Variants in NAP1L1 observed in about 807,000 individuals in gnomAD.
NAP1L1 encodes nucleosome assembly protein 1 like 1, also known as nucleosome assembly protein 1-like 1.
A neutral mutation model predicts 58.9 loss-of-function variants in NAP1L1; 9 were observed. The ratio of observed to expected loss-of-function variants is 0.15; its 90% CI spans 0.09 to 0.27. The LOEUF is 0.27. Among genes scored for constraint, NAP1L1 ranks in the 10% least tolerant of loss-of-function variants. The pLI is 1.00. For synonymous variants in NAP1L1, 130 were observed against 138.3 expected, an observed-to-expected ratio of 0.94 and a Z score of 0.42; for missense variants, 302 against 458.8, an observed-to-expected ratio of 0.66 and a Z score of 3.12.
Position 76,042,785 on chromosome 12 carries a change from A to G in NAP1L1, c.*5644T>C, listed in dbSNP as rs1294684776. 1 of 152,192 alleles carries G rather than the reference A, an allele frequency of 6.6e-6. No individual in the cohort carries two copies. Among genetic ancestry groups the G allele is most frequent in the Non-Finnish European group, 1.5e-5 (1 of 68,032 alleles). The allele number at this position is 152,192 out of a possible 1,614,324, so 9.4% of individuals were successfully genotyped here. ...CTTAAGTTTCTAAGTAATACTCCCT[A>G]TTCTAAGAAGCCAGCAATCCTTGGA... is the stretch of plus-strand genomic sequence containing the variant. On this transcript the variant is annotated 3_prime_UTR_variant, in exon 15 of 15. Transcript: ENST00000618691.
Position 76,037,931 on chromosome 12 carries a change from T to C in NAP1L1, c.*10498A>G, listed in dbSNP as rs951546498. 2.0e-5 allele frequency: 3 copies of C among 152,344 alleles called. No homozygotes were observed. The highest frequency in any genetic ancestry group is 4.1e-4 in the South Asian group (2 of 4,828). 9.4% of individuals were successfully genotyped at this position (152,344 alleles called of 1,614,324 possible). On this transcript the variant is annotated 3_prime_UTR_variant, in exon 15 of 15. Coordinates refer to ENST00000618691, the MANE Select transcript of NAP1L1 (RefSeq NM_004537.7). The stretch of plus-strand genomic sequence containing the variant: ...GACTAATGTTTTGTCTGGAAATGTA[T>C]TGATATTATTCAAAATGGGCAAGCA...
chr12:76,057,700 C>A, intron 6 of NAP1L1: 1 of 1,521,462 alleles, frequency 6.6e-7, no homozygotes, highest in Non-Finnish European at 8.9e-7. Flanking sequence ...TAAATGTAGA[C>A]AATGATTAGA....
rs3082540 is a variant in NAP1L1, at chr12:76,058,194, C to CATATATAT, written c.429+1596_429+1603dup. ...ATATGGCCAAAGGGAGAGAGGCCTA[C>CATATATAT]ATATATATATATATATATATATATA... On this transcript the variant is annotated intron_variant, in intron 6 of 14. Coordinates refer to ENST00000618691, the MANE Select transcript of NAP1L1 (RefSeq NM_004537.7). The CATATATAT allele has an allele frequency of 5.5e-4, 203 of 371,032 alleles. 2 individuals carry two copies. The highest frequency in any genetic ancestry group is 2.2e-3 in the African/African-American group (83 of 37,472). The allele number at this position is 371,032 out of a possible 1,614,324, so 23.0% of individuals were successfully genotyped here.
At position 76,042,167 on chromosome 12, in the gene NAP1L1, C is replaced by T. The variant is rs1409153308; in HGVS notation, c.*6262G>A. 6.6e-6 allele frequency: 1 copy of T among 152,054 alleles called. No individual in the cohort carries two copies. The highest frequency in any genetic ancestry group is 1.9e-4 in the East Asian group (1 of 5,190). 9.4% of individuals were successfully genotyped at this position (152,054 alleles called of 1,614,324 possible). On this transcript the variant is annotated 3_prime_UTR_variant, in exon 15 of 15. Transcript: ENST00000618691. Reference sequence around the variant, plus strand: ...TACACTGAGTAATGCATCCCTTACACCTAGGAGGAATTTTGCCTTTGAACC... The same window carrying T: ...TACACTGAGTAATGCATCCCTTACATCTAGGAGGAATTTTGCCTTTGAACC...
In NAP1L1 at chr12:76,050,517, T is replaced by C; in HGVS notation, c.1059+14A>G. Reference sequence around the variant, plus strand: ...TCAACCAATTATTTCTTTGCAGGATTCAAATTCGCTTACATCATCATCATC... The same window carrying C: ...TCAACCAATTATTTCTTTGCAGGATCCAAATTCGCTTACATCATCATCATC... On this transcript the variant is annotated intron_variant, in intron 12 of 14. Transcript: ENST00000618691. 4 of 1,597,108 alleles carry C rather than the reference T, an allele frequency of 2.5e-6. No individual in the cohort carries two copies. Among genetic ancestry groups the C allele is most frequent in the Non-Finnish European group, 3.4e-6 (4 of 1,174,746 alleles).
rs977171080 is a variant in NAP1L1, at chr12:76,042,057, T to C, written c.*6372A>G. 1 of 152,114 alleles carries C rather than the reference T, an allele frequency of 6.6e-6. No individual in the cohort carries two copies. Among genetic ancestry groups the C allele is most frequent in the African/African-American group, 2.4e-5 (1 of 41,388 alleles). 9.4% of individuals were successfully genotyped at this position (152,114 alleles called of 1,614,324 possible). ...AGCTCACTTTAGGTTAAGGTCAATT[T>C]TTTTTTTGTTTTTTACACATAAAAT... is the stretch of plus-strand genomic sequence containing the variant. On this transcript the variant is annotated 3_prime_UTR_variant, in exon 15 of 15. Coordinates refer to ENST00000618691, the MANE Select transcript of NAP1L1 (RefSeq NM_004537.7).
rs777912986 is a variant in NAP1L1, at chr12:76,055,108, A to T, written c.559-18T>A. 4.3e-5 allele frequency: 66 copies of T among 1,523,712 alleles called. No individual in the cohort carries two copies. Among genetic ancestry groups the T allele is most frequent in the Middle Eastern group, 3.4e-4 (2 of 5,802 alleles). The allele number at this position is 1,523,712 out of a possible 1,614,324, so 94.4% of individuals were successfully genotyped here. A position where few individuals can be genotyped will look rare whatever the true frequency, so the allele number is the denominator to read the frequency against. ...TCGTGTTCCTTCAAATTAAAAAAAT[A>T]ATAAAAATGAATAACATGGCATTCG... is the stretch of plus-strand genomic sequence containing the variant. On this transcript the variant is annotated intron_variant, in intron 7 of 14. Transcript: ENST00000618691.
At chr12:76,049,439 CCAGA>C in intron 13 of NAP1L1, 189 bp from the exon 14 acceptor site, 2 of 1,535,610 alleles carry the variant, frequency 1.3e-6, no homozygotes, top group Non-Finnish European at 1.7e-6. Flanking sequence ...CTTGAGACAT[CCAGA>C]CAGCTTTTAT....
intron 2 of NAP1L1, among the ~76,000 whole-genome samples, chr12:76,070,361 G>A (rs971117792): frequency 2.6e-5 from 4 of 152,168 alleles, no homozygotes; most frequent in East Asian, 1.9e-4. Flanking sequence ...TCCCACGTCC[G>A]CCTTCCAAAA....
intron 4 of NAP1L1, among the ~76,000 whole-genome samples, chr12:76,061,869 T>A (rs578130593): frequency 9.8e-5 from 15 of 152,362 alleles, no homozygotes; most frequent in South Asian, 6.2e-4. Flanking sequence ...TGAACTGGCA[T>A]GGGCTTCTGG....
At chr12:76,070,877 T>G (rs1301044027) in intron 2 of NAP1L1, among the ~76,000 whole-genome samples, 1 of 152,168 alleles carries the variant, frequency 6.6e-6, no homozygotes, top group Admixed American at 6.5e-5. Context: ...TGTAAATAGT[T>G]GTATTATGCT....
chr12:76,067,335 A>G, intron 4 of NAP1L1, 36 bp downstream of exon 4: 1 of 1,494,212 alleles, frequency 6.7e-7, no homozygotes, highest in Non-Finnish European at 9.3e-7. Flanking sequence ...AACGTTGATT[A>G]TAGAAAGATA....
At chr12:76,050,766 C>T in intron 11 of NAP1L1, 113 bp from the exon 12 acceptor site, 1 of 1,194,058 alleles carries the variant, frequency 8.4e-7, no homozygotes, top group Non-Finnish European at 1.2e-6. Context: ...GTAGTCCCAA[C>T]ACTTCAGGAG....
In NAP1L1 at chr12:76,067,688, G is replaced by A. The variant is rs1387515391; in HGVS notation, c.104-215C>T. 3 of 426,476 alleles carry A rather than the reference G, an allele frequency of 7.0e-6. No individual in the cohort carries two copies. In the East Asian group the frequency reaches 1.0e-4, roughly 14 times the overall value. The allele number at this position is 426,476 out of a possible 1,614,324, so 26.4% of individuals were successfully genotyped here. The stretch of plus-strand genomic sequence containing the variant: ...AGATTCCTAATCTATCTCTAGTCAA[G>A]ACAGTTCTCAAGGCCACTGCCACAA... On this transcript the variant is annotated intron_variant, in intron 3 of 14. Coordinates refer to ENST00000618691, the MANE Select transcript of NAP1L1 (RefSeq NM_004537.7).
intron 1 of NAP1L1, among the ~76,000 whole-genome samples, chr12:76,078,140 T>C (rs1950266984): frequency 6.6e-6 from 1 of 152,074 alleles, no homozygotes; most frequent in Admixed American, 6.6e-5. Context: ...GAAGGCACTT[T>C]TGCACTGAGG....
In NAP1L1 at chr12:76,037,934, A is replaced by G. The variant is rs534272788; in HGVS notation, c.*10495T>C. 1.3e-5 allele frequency: 2 copies of G among 152,338 alleles called. No individual in the cohort carries two copies. Among genetic ancestry groups the G allele is most frequent in the South Asian group, 2.1e-4 (1 of 4,830 alleles). 9.4% of individuals were successfully genotyped at this position (152,338 alleles called of 1,614,324 possible). On this transcript the variant is annotated 3_prime_UTR_variant, in exon 15 of 15. Coordinates refer to ENST00000618691, the MANE Select transcript of NAP1L1 (RefSeq NM_004537.7). Reference sequence around the variant, plus strand: ...TAATGTTTTGTCTGGAAATGTATTGATATTATTCAAAATGGGCAAGCAGGC... The same window carrying G: ...TAATGTTTTGTCTGGAAATGTATTGGTATTATTCAAAATGGGCAAGCAGGC...
In NAP1L1 at chr12:76,039,247, T is replaced by C. The variant is rs1948528198; in HGVS notation, c.*9182A>G. The C allele has an allele frequency of 6.6e-6, 1 of 152,204 alleles. No homozygotes were observed. The highest frequency in any genetic ancestry group is 1.5e-5 in the Non-Finnish European group (1 of 68,032). The allele number at this position is 152,204 out of a possible 1,614,324, so 9.4% of individuals were successfully genotyped here. On this transcript the variant is annotated 3_prime_UTR_variant, in exon 15 of 15. Coordinates refer to ENST00000618691, the MANE Select transcript of NAP1L1 (RefSeq NM_004537.7). ...CACTGTGAGCATAAACCATAGGTTC[T>C]TCTTTTTACAGGAGAGGTTGGATGC...
chr12:76,050,719 T>C, intron 11 of NAP1L1, 66 bp from the exon 12 acceptor site: 1 of 1,529,112 alleles, frequency 6.5e-7, no homozygotes, highest in Non-Finnish European at 8.8e-7. Flanking sequence ...TTGGCACATG[T>C]AAGACTCTTA....
chr12:76,054,723 G>A (rs768297745), intron 8 of NAP1L1, among the ~76,000 whole-genome samples: 3 of 152,204 alleles, frequency 2.0e-5, no homozygotes, highest in Non-Finnish European at 2.9e-5. Flanking sequence ...TCTAACATCA[G>A]TTTTGTGTAA....
Sources: allele counts gnomAD v4.1 joint callset (sites outside exome capture counted in the v4.1 genomes callset), GRCh38; gene constraint gnomAD v4.1.1; transcripts MANE v1.5; gene names NCBI Gene and HGNC (gene_info 2026-07-23, HGNC 2026-07-21).